Variants in ANKS1B observed in about 807,000 individuals in gnomAD.
ANKS1B encodes the protein ankyrin repeat and sterile alpha motif domain containing 1B, also known as ankyrin repeat and sterile alpha motif domain-containing protein 1B.
A neutral mutation model predicts 148.3 loss-of-function variants in ANKS1B; 36 were observed. The ratio of observed to expected loss-of-function variants is 0.24; its 90% CI spans 0.19 to 0.32. ANKS1B has a LOEUF of 0.32. Among genes scored for constraint, ANKS1B ranks in the 10% least tolerant of loss-of-function variants. ANKS1B has a pLI of 1.00. For synonymous variants in ANKS1B, 542 were observed against 560.8 expected, an observed-to-expected ratio of 0.97 and a Z score of 0.47; for missense variants, 1,157 against 1,542.6, an observed-to-expected ratio of 0.75 and a Z score of 4.19.
At chr12:99,316,519 TTTGA>T (rs2084136160) in intron 12 of ANKS1B, among the ~76,000 whole-genome samples, 1 of 152,188 alleles carries the variant, frequency 6.6e-6, no homozygotes, top group South Asian at 2.1e-4. Context: ...GATGGGGTTG[TTTGA>T]TTTTTTCTTG....
intron 1 of ANKS1B, among the ~76,000 whole-genome samples, chr12:99,885,426 G>A (rs541593264): frequency 6.0e-5 from 9 of 149,202 alleles, no homozygotes; most frequent in East Asian, 2.0e-4. Flanking sequence ...TCAGCCTCCC[G>A]AGTAGCTGGG....
rs139723188 is a variant in ANKS1B, at chr12:99,874,310, C to T, written c.135-48921G>A. Among the ~76,000 whole-genome samples, 148 of 152,198 alleles carry T rather than the reference C, an allele frequency of 9.7e-4. 1 individual carries two copies. Among genetic ancestry groups the T allele is most frequent in the Admixed American group, 4.3e-3 (66 of 15,278 alleles). On this transcript the variant is annotated intron_variant, in intron 1 of 26. Transcript: ENST00000683438. Reference sequence around the variant, plus strand: ...AAGAGCAACCTAATCCACATCACTGCTTATATTGAGTTTACCATAATAAAA... The same window carrying T: ...AAGAGCAACCTAATCCACATCACTGTTTATATTGAGTTTACCATAATAAAA...
chr12:98,931,075 A>G (rs913192049), intron 17 of ANKS1B, among the ~76,000 whole-genome samples: 1 of 152,140 alleles, frequency 6.6e-6, no homozygotes, highest in African/African-American at 2.4e-5. Flanking sequence ...GAGGAGCAAT[A>G]GCCTGAGGAT....
At chr12:99,062,993 A>G (rs1212236184) in intron 16 of ANKS1B, among the ~76,000 whole-genome samples, 4 of 152,146 alleles carry the variant, frequency 2.6e-5, no homozygotes, top group Non-Finnish European at 5.9e-5. Context: ...TTGTACGTGA[A>G]GTACCTGTGA....
intron 8 of ANKS1B, among the ~76,000 whole-genome samples, chr12:99,724,955 C>T (rs1222109761): frequency 6.6e-6 from 1 of 152,150 alleles, no homozygotes; most frequent in Non-Finnish European, 1.5e-5. Flanking sequence ...CAAGCAAATA[C>T]TGAGGGATTT....
At chr12:99,325,232 G>A (rs1292045869) in intron 12 of ANKS1B, among the ~76,000 whole-genome samples, 1 of 152,068 alleles carries the variant, frequency 6.6e-6, no homozygotes, top group Non-Finnish European at 1.5e-5. Flanking sequence ...TAAGAAAGAT[G>A]AGACATCAGT....
Position 99,334,722 on chromosome 12 carries a change from C to T in ANKS1B, c.1756+64909G>A, listed in dbSNP as rs1603084917. 3.3e-5 allele frequency among the ~76,000 whole-genome samples: 5 copies of T among 152,050 alleles called. 1 individual carries two copies. Among genetic ancestry groups the T allele is most frequent in the Admixed American group, 3.3e-4 (5 of 15,238 alleles). ...TAGTACATTTTTTTCCATTCTCCTC[C>T]CTTTACAAGAGATGAGTCAATTATT... On this transcript the variant is annotated intron_variant, in intron 12 of 26. Transcript: ENST00000683438.
chr12:99,331,944 T>A (rs1398571698), intron 12 of ANKS1B, among the ~76,000 whole-genome samples: 1 of 151,944 alleles, frequency 6.6e-6, no homozygotes, highest in Non-Finnish European at 1.5e-5. Context: ...ATAAAGGCAG[T>A]AAAGATTAAA....
chr12:99,183,998 A>G (rs538786970), intron 14 of ANKS1B, among the ~76,000 whole-genome samples: 4 of 152,358 alleles, frequency 2.6e-5, no homozygotes, highest in Non-Finnish European at 5.9e-5. Context: ...CACTTATAAT[A>G]TCAAATATAA....
chr12:99,948,618 G>T (rs2095134779), intron 1 of ANKS1B, among the ~76,000 whole-genome samples: 1 of 152,180 alleles, frequency 6.6e-6, no homozygotes, highest in Non-Finnish European at 1.5e-5. Context: ...GGCTGGAGTA[G>T]CTGACTCAAT....
chr12:98,869,942 C>T (rs777359639), intron 17 of ANKS1B, among the ~76,000 whole-genome samples: 6 of 152,128 alleles, frequency 3.9e-5, no homozygotes, highest in Non-Finnish European at 8.8e-5. Flanking sequence ...GGCAAAATGT[C>T]CTGAAAACCA....
At chr12:99,246,939 A>G in intron 12 of ANKS1B, 75 bp from the exon 13 acceptor site, 2 of 1,119,028 alleles carry the variant, frequency 1.8e-6, no homozygotes, top group East Asian at 2.4e-5. Flanking sequence ...TGCCCTTATG[A>G]ACATGTGGGC....
chr12:98,737,636 A>AGTC (rs1196800704), intron 9 of ANKS1B, among the ~76,000 whole-genome samples: 4 of 152,244 alleles, frequency 2.6e-5, no homozygotes, highest in Non-Finnish European at 5.9e-5. Flanking sequence ...TTCATAACAC[A>AGTC]GTCTATGTTC....
At chr12:99,579,894 A>T (rs2097554169) in intron 9 of ANKS1B, among the ~76,000 whole-genome samples, 1 of 152,104 alleles carries the variant, frequency 6.6e-6, no homozygotes, top group Non-Finnish European at 1.5e-5. Flanking sequence ...AAAAAAATGT[A>T]CACTCATATG....
chr12:99,433,838 T>C (rs746756509), intron 11 of ANKS1B, among the ~76,000 whole-genome samples: 1 of 152,112 alleles, frequency 6.6e-6, no homozygotes, highest in Non-Finnish European at 1.5e-5. Flanking sequence ...CCTTGGGGCA[T>C]TGGATCAATG....
At chr12:98,863,906 G>C (rs1004979880) in intron 17 of ANKS1B, among the ~76,000 whole-genome samples, 2 of 152,186 alleles carry the variant, frequency 1.3e-5, no homozygotes, top group South Asian at 2.1e-4. Context: ...TTAATAGTCT[G>C]TATTACTTAC....
At chr12:99,273,248 G>T (rs1357448508) in intron 12 of ANKS1B, among the ~76,000 whole-genome samples, 1 of 152,106 alleles carries the variant, frequency 6.6e-6, no homozygotes, top group Non-Finnish European at 1.5e-5. Context: ...GTTCATAAAA[G>T]CTCAGGGGCC....
In ANKS1B at chr12:99,108,556, G is replaced by A. The variant is rs141719670; in HGVS notation, c.2527-23533C>T. Among the ~76,000 whole-genome samples, 519 of 152,274 alleles carry A rather than the reference G, an allele frequency of 3.4e-3. 6 individuals are homozygous for A. The highest frequency in any genetic ancestry group is 0.011 in the African/African-American group (475 of 41,554). ...GGTACTAATATTAGTGAAAATAATA[G>A]AGACAGTAAAACCAATTATAAATAG... On this transcript the variant is annotated intron_variant, in intron 15 of 26. Coordinates refer to ENST00000683438, the MANE Select transcript of ANKS1B (RefSeq NM_001352186.2).
chr12:99,415,906 A>G (rs1047699456), intron 11 of ANKS1B, among the ~76,000 whole-genome samples: 5 of 152,018 alleles, frequency 3.3e-5, no homozygotes, highest in Admixed American at 1.3e-4. Flanking sequence ...GATGGTCTCA[A>G]TCTCCTGACC....
Sources: gnomAD v4.1 joint callset for allele counts (sites outside exome capture counted in the v4.1 genomes callset) on GRCh38, gnomAD v4.1.1 for gene constraint, MANE v1.5 for transcripts, NCBI Gene and HGNC (gene_info 2026-07-23, HGNC 2026-07-21) for gene names.